The following ABCD3 variants were observed in gnomAD, a reference collection of about 807,000 sequenced individuals.
ABCD3 encodes the protein ATP-binding cassette sub-family D member 3.
ABCD3 carries 41 observed loss-of-function variants against 105.5 expected under a neutral mutation model. The ratio of observed to expected loss-of-function variants is 0.39; its 90% CI spans 0.30 to 0.50. The LOEUF (loss-of-function observed/expected upper bound fraction) is 0.50. ABCD3 is among the 20% of genes least tolerant of loss of function. The probability of loss-of-function intolerance (pLI) is 0.84; values close to 1 mark genes in which losing one functional copy is unlikely to be tolerated. For missense variants in ABCD3, 622 were observed against 806.3 expected, an observed-to-expected ratio of 0.77 and a Z score of 2.77; for synonymous variants, 258 against 269.0, an observed-to-expected ratio of 0.96 and a Z score of 0.40.
chr1:94,412,768 C>T, the ABCD3 span, among the ~76,000 whole-genome samples: 4 of 152,156 alleles, frequency 2.6e-5, no homozygotes, highest in Non-Finnish European at 5.9e-5. Context: ...TGTTACCACA[C>T]TTTGGGGTCT....
chr1:94,452,067 C>G (rs1241093485), intron 1 of ABCD3, among the ~76,000 whole-genome samples: 1 of 152,188 alleles, frequency 6.6e-6, no homozygotes, highest in Non-Finnish European at 1.5e-5. Context: ...CTAATACATT[C>G]TAATCACTGA....
In ABCD3 at chr1:94,464,874, G is replaced by T. The variant is rs1648064151; in HGVS notation, c.246+1G>T. 1.2e-6 allele frequency: 2 copies of T among 1,610,086 alleles called. No individual in the cohort carries two copies. The highest frequency in any genetic ancestry group is 1.1e-5 in the South Asian group (1 of 91,008). On this transcript the variant is annotated splice_donor_variant, in intron 3 of 22. Coordinates refer to ENST00000370214, the MANE Select transcript of ABCD3 (RefSeq NM_002858.4). LOFTEE classifies it high-confidence loss of function. ...GGTCCCTAGAACATTTTGTAAAGAGGTAAGTCTTATGAAATTATAATCTTA... is the reference window on the plus strand; with the variant it reads ...GGTCCCTAGAACATTTTGTAAAGAGTTAAGTCTTATGAAATTATAATCTTA...
At chr1:94,460,573 A>C (rs1167054241) in intron 2 of ABCD3, among the ~76,000 whole-genome samples, 1 of 152,158 alleles carries the variant, frequency 6.6e-6, no homozygotes, top group Non-Finnish European at 1.5e-5. Flanking sequence ...TACATTCTGC[A>C]TATCAGCTAG....
chr1:94,515,194 C>T lies in ABCD3; in HGVS notation c.1894C>T (p.His632Tyr), dbSNP rs149215654. 133 of 1,608,046 alleles carry T rather than the reference C, an allele frequency of 8.3e-5. No homozygotes were observed. Among genetic ancestry groups the T allele is most frequent in the Non-Finnish European group, 1.1e-4 (130 of 1,175,580 alleles). Residue 632 changes from histidine to tyrosine, a missense_variant, in exon 22 of 23, where the codon CAT becomes TAT. His to Tyr is a moderately conservative substitution (Grantham distance 83). Coordinates refer to ENST00000370214, the MANE Select transcript of ABCD3 (RefSeq NM_002858.4). ...TVSHRKSLWK[H>Y]HEYYLHMDGR... ...GTCTCATAGGAAATCTCTTTGGAAA[C>T]ATCATGAGGTTTGTATTTCTTTCAT...
At chr1:94,503,849 A>G (rs1650222064) in intron 20 of ABCD3, among the ~76,000 whole-genome samples, 1 of 144,118 alleles carries the variant, frequency 6.9e-6, no homozygotes, top group Non-Finnish European at 1.5e-5. Flanking sequence ...CCTAGGCTGG[A>G]GTGCAGTGGC....
chr1:94,456,437 G>C (rs1647568204), intron 1 of ABCD3, among the ~76,000 whole-genome samples: 1 of 150,786 alleles, frequency 6.6e-6, no homozygotes, highest in Non-Finnish European at 1.5e-5. Context: ...CTCCACACTG[G>C]ACTATTTTTT....
At chr1:94,467,845 T>C (rs1222441684) in intron 3 of ABCD3, 74 bp from the exon 4 acceptor site, 4 of 1,094,604 alleles carry the variant, frequency 3.7e-6, no homozygotes, top group Non-Finnish European at 5.5e-6. Flanking sequence ...AAACCAAAAA[T>C]TGTTACCAAG....
At chr1:94,393,599 A>C in the ABCD3 span, among the ~76,000 whole-genome samples, 2 of 152,134 alleles carry the variant, frequency 1.3e-5, no homozygotes, top group Non-Finnish European at 1.5e-5. Context: ...AGATCATGCC[A>C]CTGCACTCCA....
intron 1 of ABCD3, among the ~76,000 whole-genome samples, chr1:94,452,879 A>G (rs1647324867): frequency 6.6e-6 from 1 of 152,198 alleles, no homozygotes; most frequent in Non-Finnish European, 1.5e-5. Flanking sequence ...CTGGGACTAC[A>G]GGCATGCACC....
At chr1:94,499,076 A>G (rs1392192360) in intron 19 of ABCD3, 42 bp downstream of exon 19, 2 of 1,494,518 alleles carry the variant, frequency 1.3e-6, no homozygotes, top group South Asian at 2.3e-5. Flanking sequence ...AAAATACTCC[A>G]GATTATTTAT....
At chr1:94,470,510 T>TA (rs1648401709) in intron 4 of ABCD3, among the ~76,000 whole-genome samples, 1 of 152,250 alleles carries the variant, frequency 6.6e-6, no homozygotes, top group South Asian at 2.1e-4. Flanking sequence ...AATCTTTTTT[T>TA]AAAAAATTGT....
upstream of ABCD3, among the ~76,000 whole-genome samples, chr1:94,415,064 G>A (rs1295990859): frequency 1.3e-5 from 2 of 152,182 alleles, no homozygotes; most frequent in East Asian, 1.9e-4. Context: ...CCTCTCCAGG[G>A]CACTTTGAGT....
At chr1:94,515,366 T>C (rs1384476121) in intron 22 of ABCD3, among the ~76,000 whole-genome samples, 164 bp downstream of exon 22, 3 of 152,048 alleles carry the variant, frequency 2.0e-5, no homozygotes, top group African/African-American at 7.2e-5. Flanking sequence ...TTAAATATTA[T>C]AGTTGTCAGT....
chr1:94,495,636 C>A (rs151274996), intron 16 of ABCD3, among the ~76,000 whole-genome samples: 364 of 152,304 alleles, frequency 2.4e-3, no homozygotes, highest in African/African-American at 8.2e-3. Flanking sequence ...TACATCATTA[C>A]AAATCTGTTT....
chr1:94,478,678 G>A (rs1033881318), intron 8 of ABCD3: 7 of 911,650 alleles, frequency 7.7e-6, no homozygotes, highest in East Asian at 2.9e-5. Context: ...AGCGAGACCC[G>A]CTTCTTTAAA....
chr1:94,390,339 G>T, the ABCD3 span, among the ~76,000 whole-genome samples: 1 of 151,894 alleles, frequency 6.6e-6, no homozygotes, highest in Non-Finnish European at 1.5e-5. Context: ...CTCTCGTTCT[G>T]TCACCCAGGC....
chr1:94,414,747 G>A (rs372415785), upstream of ABCD3, among the ~76,000 whole-genome samples: 7 of 152,102 alleles, frequency 4.6e-5, no homozygotes, highest in East Asian at 9.7e-4. Flanking sequence ...AATCTGCTTC[G>A]GTCTCTGCAT....
At chr1:94,458,010 GGAAA>G (rs1486487143) in intron 1 of ABCD3, among the ~76,000 whole-genome samples, 4 of 152,140 alleles carry the variant, frequency 2.6e-5, no homozygotes, top group Non-Finnish European at 5.9e-5. Context: ...AGTGCGTTAT[GGAAA>G]GGACCGATGC....
intron 20 of ABCD3, among the ~76,000 whole-genome samples, chr1:94,500,088 T>C (rs901835027): frequency 6.6e-6 from 1 of 152,218 alleles, no homozygotes; most frequent in Non-Finnish European, 1.5e-5. Context: ...TGTATGTTTT[T>C]GTTTCAAGGT....
Sources: allele counts gnomAD v4.1 joint callset (sites outside exome capture counted in the v4.1 genomes callset), GRCh38; gene constraint gnomAD v4.1.1; transcripts MANE v1.5; gene names NCBI Gene and HGNC (gene_info 2026-07-23, HGNC 2026-07-21).